Variants in ACKR2 observed in about 807,000 individuals in gnomAD.
ACKR2 encodes the protein C-C chemokine receptor D6.
For missense variants in ACKR2, 457 were observed against 477.3 expected (o/e 0.96, Z 0.40); for synonymous variants, 207 against 192.2 (o/e 1.08, Z -0.64).
chr3:42,865,168 A>G lies in ACKR2; in HGVS notation c.666A>G (p.Pro222=), dbSNP rs1190502964. Reference sequence around the variant, plus strand: ...AGAACCTCCTAGGGTTTCTCCTTCCACTCCTTGCCATGATCTTCTTCTACT... The same window carrying G: ...AGAACCTCCTAGGGTTTCTCCTTCCGCTCCTTGCCATGATCTTCTTCTACT... ...FQQNLLGFLL[P]LLAMIFFYSR... is the part of the protein sequence containing the mutation. Residue 222 remains proline (P), a synonymous_variant, in exon 3 of 3, where the codon CCA becomes CCG. Coordinates refer to ENST00000422265, the MANE Select transcript of ACKR2 (RefSeq NM_001296.5). The G allele has an allele frequency of 3.7e-6, 6 of 1,609,680 alleles. No homozygotes were observed. The highest frequency in any genetic ancestry group is 5.1e-6 in the Non-Finnish European group (6 of 1,178,710).
intron 2 of ACKR2, among the ~76,000 whole-genome samples, chr3:42,857,564 T>C (rs1404298975): frequency 6.6e-6 from 1 of 152,148 alleles, no homozygotes; most frequent in Non-Finnish European, 1.5e-5. Context: ...CTGTTATTAT[T>C]TTCATTTTAA....
intron 2 of ACKR2, among the ~76,000 whole-genome samples, chr3:42,825,582 TGTGTGTGTGTGTGTGTGTGC>T (rs1272859348): frequency 3.4e-4 from 51 of 150,920 alleles, no homozygotes; most frequent in Admixed American, 2.9e-3. Flanking sequence ...CTCTGATGTG[TGTGTGTGTGTGTGTGTGTGC>T]GTGTGTGTGT....
At chr3:42,851,651 A>G (rs956287710) in intron 2 of ACKR2, among the ~76,000 whole-genome samples, 1 of 151,352 alleles carries the variant, frequency 6.6e-6, no homozygotes, top group Non-Finnish European at 1.5e-5. Context: ...GGGTCTTCTG[A>G]CCTCTTTCCC....
At chr3:42,825,224 A>C (rs923678493) in intron 2 of ACKR2, among the ~76,000 whole-genome samples, 5 of 152,158 alleles carry the variant, frequency 3.3e-5, no homozygotes, top group Non-Finnish European at 1.5e-5. Flanking sequence ...TATAATAAGC[A>C]TGTCTGTTTC....
intron 1 of ACKR2, among the ~76,000 whole-genome samples, chr3:42,812,045 C>A (rs968227612): frequency 6.6e-6 from 1 of 152,160 alleles, no homozygotes; most frequent in African/African-American, 2.4e-5. Context: ...GGGGCCTGTG[C>A]AGGTCCTCCA....
At chr3:42,827,654 C>G (rs564430605) in intron 2 of ACKR2, among the ~76,000 whole-genome samples, 1 of 152,016 alleles carries the variant, frequency 6.6e-6, no homozygotes, top group African/African-American at 2.4e-5. Flanking sequence ...AAGAGATCTA[C>G]GAGATACCAA....
chr3:42,850,595 A>G (rs1701144635), intron 2 of ACKR2, among the ~76,000 whole-genome samples: 1 of 152,194 alleles, frequency 6.6e-6, no homozygotes, highest in Non-Finnish European at 1.5e-5. Context: ...AGGGTGGCTG[A>G]GGTACTGATC....
At chr3:42,809,783 A>T (rs1559681549) in intron 1 of ACKR2, among the ~76,000 whole-genome samples, 1 of 151,752 alleles carries the variant, frequency 6.6e-6, no homozygotes, top group Non-Finnish European at 1.5e-5. Flanking sequence ...AATTGTGTGA[A>T]CCTGGGAGGC....
chr3:42,860,191 C>CAAAAAAAAAAA (rs2088370284), intron 2 of ACKR2, among the ~76,000 whole-genome samples: 1 of 12,580 alleles, frequency 7.9e-5, no homozygotes, highest in Non-Finnish European at 2.6e-4. Context: ...AAAAAAAAAG[C>CAAAAAAAAAAA]AGGGGATGCA....
At chr3:42,859,176 C>G (rs2088354938) in intron 2 of ACKR2, among the ~76,000 whole-genome samples, 1 of 152,062 alleles carries the variant, frequency 6.6e-6, no homozygotes, top group African/African-American at 2.4e-5. Flanking sequence ...ATACAGAGAA[C>G]ACCACAAAGA....
intron 1 of ACKR2, among the ~76,000 whole-genome samples, chr3:42,811,696 C>G (rs1700696730): frequency 6.6e-6 from 1 of 151,972 alleles, no homozygotes; most frequent in Non-Finnish European, 1.5e-5. Context: ...CTGCATGTCC[C>G]TGGGAATGGA....
chr3:42,861,304 C>T (rs2088382179), intron 2 of ACKR2, among the ~76,000 whole-genome samples: 1 of 152,186 alleles, frequency 6.6e-6, no homozygotes, highest in African/African-American at 2.4e-5. Flanking sequence ...CCTCCCAAGA[C>T]TAAACCAGGA....
intron 2 of ACKR2, among the ~76,000 whole-genome samples, chr3:42,827,873 C>T (rs943265365): frequency 6.6e-6 from 1 of 152,056 alleles, no homozygotes; most frequent in African/African-American, 2.4e-5. Flanking sequence ...CCCACACTCC[C>T]ATTTAGGACT....
rs73829298 is a variant in ACKR2, at chr3:42,849,937, A to G, written c.-37-14529A>G. Among the ~76,000 whole-genome samples, 1,141 of 152,312 alleles carry G rather than the reference A, an allele frequency of 7.5e-3. 19 individuals carry two copies. The South Asian group carries it at 0.079, about 10-fold the overall frequency. ...ATATGTTTAGCCTTAGGCTAAATGC[A>G]ATTTAACTGATGTTAATATTAGGGG... On this transcript the variant is annotated intron_variant, in intron 2 of 2. Transcript: ENST00000422265.
chr3:42,828,167 T>A (rs1413620066), intron 2 of ACKR2, among the ~76,000 whole-genome samples: 4 of 150,610 alleles, frequency 2.7e-5, no homozygotes, highest in Non-Finnish European at 5.9e-5. Context: ...TGGAGTGCAG[T>A]GGTGCAATCT....
chr3:42,832,412 T>C (rs1377295072), intron 2 of ACKR2, among the ~76,000 whole-genome samples: 1 of 151,424 alleles, frequency 6.6e-6, no homozygotes, highest in Non-Finnish European at 1.5e-5. Context: ...TCACTTGAAC[T>C]GGGGAGGCAG....
intron 1 of ACKR2, among the ~76,000 whole-genome samples, chr3:42,817,699 C>T (rs1366903592): frequency 2.6e-5 from 4 of 152,128 alleles, no homozygotes; most frequent in African/African-American, 9.7e-5. Context: ...GTGTACATAT[C>T]ATCCCACATC....
chr3:42,863,575 G>GCACT (rs2088404596), intron 2 of ACKR2, among the ~76,000 whole-genome samples: 1 of 152,178 alleles, frequency 6.6e-6, no homozygotes, highest in South Asian at 2.1e-4. Context: ...GCTTATTGCA[G>GCACT]CACTGTTCAC....
chr3:42,824,393 C>T (rs540321537), intron 2 of ACKR2, among the ~76,000 whole-genome samples: 81 of 152,214 alleles, frequency 5.3e-4, no homozygotes, highest in African/African-American at 1.9e-3. Context: ...AAAATTTGGC[C>T]TCTTAAATTA....
Sources: allele counts gnomAD v4.1 joint callset (sites outside exome capture counted in the v4.1 genomes callset), GRCh38; gene constraint gnomAD v4.1.1; transcripts MANE v1.5; gene names NCBI Gene and HGNC (gene_info 2026-07-23, HGNC 2026-07-21).